Variants in CHD1L observed in about 807,000 individuals in gnomAD.
The protein encoded by CHD1L is ATP-dependent chromatin remodeler CHD1L.
CHD1L carries 118 observed loss-of-function variants against 115.9 expected under a neutral mutation model. That is an observed-to-expected ratio of 1.02 (90% confidence interval 0.88 to 1.19). The LOEUF is 1.19. CHD1L is among the 50% of genes most tolerant of loss of function. The pLI, the probability that CHD1L is intolerant of heterozygous loss-of-function variation, is 0.00. For missense variants in CHD1L, 1,179 were observed against 1,065.3 expected (o/e 1.11, Z -1.49); for synonymous variants, 411 against 387.1 (o/e 1.06, Z -0.72).
Position 147,286,350 on chromosome 1 carries a change from G to T in CHD1L, c.2071G>T (p.Glu691Ter). Residue 691 changes from glutamate (E) to a stop codon, truncating the protein, a stop_gained, in exon 18 of 23, where the codon GAG becomes TAG. Coordinates refer to ENST00000369258, the MANE Select transcript of CHD1L (RefSeq NM_004284.6). LOFTEE classifies it high-confidence loss of function. ...CCAGTCCTTCTGCCTGCCCTCTGAG[G>T]AGAGCGAGCCAGAGGACCTTGAGAA... ...NYQSFCLPSE[E>*]SEPEDLENGE... is the part of the protein sequence containing the mutation. 1 of 1,614,184 alleles carries T rather than the reference G, an allele frequency of 6.2e-7. No individual in the cohort carries two copies. The highest frequency in any genetic ancestry group is 1.3e-5 in the African/African-American group (1 of 75,056).
the CHD1L span, among the ~76,000 whole-genome samples, chr1:147,190,851 A>T: frequency 1.1e-4 from 16 of 151,640 alleles, no homozygotes; most frequent in Admixed American, 5.9e-4. Context: ...ACCCCACAAC[A>T]GTCCCTGGAG....
At chr1:147,253,984 T>C (rs781828664) in intron 2 of CHD1L, among the ~76,000 whole-genome samples, 39 of 152,350 alleles carry the variant, frequency 2.6e-4, no homozygotes, top group South Asian at 1.4e-3. Context: ...TTTTGTGCTG[T>C]TTAATCTTGA....
chr1:147,191,534 T>A, the CHD1L span, among the ~76,000 whole-genome samples: 1 of 143,888 alleles, frequency 6.9e-6, no homozygotes, highest in African/African-American at 2.5e-5. Flanking sequence ...TGGGGTTGTT[T>A]GTTTTTTTCT....
At chr1:147,191,087 T>G in the CHD1L span, among the ~76,000 whole-genome samples, 1 of 152,330 alleles carries the variant, frequency 6.6e-6, no homozygotes, top group African/African-American at 2.4e-5. Context: ...CTATCGTTGT[T>G]GGACATTTGG....
the CHD1L span, chr1:147,179,005 A>C: frequency 5.6e-6 from 9 of 1,613,958 alleles, no homozygotes; most frequent in Non-Finnish European, 1.7e-6. Context: ...GCACAAACTC[A>C]ACTTTGCTGT....
chr1:147,295,544 C>A lies in CHD1L; in HGVS notation c.*35C>A, dbSNP rs1190555624. ...CAGCCTCAGATCCTGTCTTTAGCAA[C>A]CAGCTAATATTTACCCAGAGGTACT... On this transcript the variant is annotated 3_prime_UTR_variant, in exon 23 of 23. Transcript: ENST00000369258. The A allele has an allele frequency of 7.5e-6, 11 of 1,461,574 alleles. No individual in the cohort carries two copies. The highest frequency in any genetic ancestry group is 1.1e-5 in the Non-Finnish European group (11 of 1,047,588). The allele number at this position is 1,461,574 out of a possible 1,614,324, so 90.5% of individuals were successfully genotyped here. A position where few individuals can be genotyped will look rare whatever the true frequency, so the allele number is the denominator to read the frequency against.
chr1:147,239,180 T>C (rs587682410), upstream of CHD1L, among the ~76,000 whole-genome samples: 17 of 152,252 alleles, frequency 1.1e-4, no homozygotes, highest in Admixed American at 9.2e-4. Context: ...GGAAAATTGT[T>C]TTAACTAGAC....
chr1:147,192,190 G>A, the CHD1L span, among the ~76,000 whole-genome samples: 1 of 152,084 alleles, frequency 6.6e-6, no homozygotes, highest in East Asian at 1.9e-4. Flanking sequence ...ATTTCATTGA[G>A]CAGTGGTTTG....
At chr1:147,218,427 C>CG in the CHD1L span, among the ~76,000 whole-genome samples, 90,029 of 151,650 alleles carry the variant, frequency 0.59, 28,800 homozygotes, top group East Asian at 0.87. Context: ...TTAGTAGAGA[C>CG]GGGTTTCACC....
At chr1:147,178,174 C>T in the CHD1L span, 4 of 1,611,280 alleles carry the variant, frequency 2.5e-6, no homozygotes, top group South Asian at 2.2e-5. Context: ...CGCGGCCCGC[C>T]TCGCGGCTGC....
At chr1:147,196,421 T>C in the CHD1L span, among the ~76,000 whole-genome samples, 1 of 152,196 alleles carries the variant, frequency 6.6e-6, no homozygotes, top group South Asian at 2.1e-4. Context: ...GTTTTACTTC[T>C]ATTAGCTAGA....
chr1:147,237,697 T>C (rs1228688489), upstream of CHD1L, among the ~76,000 whole-genome samples: 1 of 152,176 alleles, frequency 6.6e-6, no homozygotes, highest in East Asian at 1.9e-4. Flanking sequence ...AAAAGTTAAA[T>C]TTCCAGTTTG....
chr1:147,292,866 C>T (rs1374036695), intron 20 of CHD1L, among the ~76,000 whole-genome samples: 1 of 152,232 alleles, frequency 6.6e-6, no homozygotes, highest in East Asian at 1.9e-4. Flanking sequence ...CTAGGCCCCA[C>T]CTCCAACACT....
chr1:147,285,610 A>G, intron 17 of CHD1L, 123 bp downstream of exon 17: 1 of 1,105,374 alleles, frequency 9.0e-7, no homozygotes, highest in East Asian at 2.5e-5. Context: ...CCTATTGGTA[A>G]CAGAATACTT....
intron 16 of CHD1L, among the ~76,000 whole-genome samples, chr1:147,285,035 T>G (rs1483023219): frequency 6.6e-6 from 1 of 152,192 alleles, no homozygotes; most frequent in African/African-American, 2.4e-5. Flanking sequence ...AAAAGTTACT[T>G]TTCTGAAGTA....
At chr1:147,269,889 G>A (rs1480420257) in intron 10 of CHD1L, among the ~76,000 whole-genome samples, 3 of 152,048 alleles carry the variant, frequency 2.0e-5, no homozygotes, top group East Asian at 3.9e-4. Context: ...TCAACTTTAG[G>A]AATGTGCAAG....
the CHD1L span, chr1:147,186,225 A>G: frequency 1.5e-6 from 1 of 652,594 alleles, no homozygotes; most frequent in Admixed American, 6.3e-5. Context: ...TCATTGGCAG[A>G]TGGTAGATGA....
intron 19 of CHD1L, among the ~76,000 whole-genome samples, chr1:147,288,982 A>G (rs1684466519): frequency 6.6e-6 from 1 of 152,188 alleles, no homozygotes. Flanking sequence ...CTGATAGAGA[A>G]GGGCCCTCCA....
intron 17 of CHD1L, 57 bp downstream of exon 17, chr1:147,285,544 T>C (rs1450486975): frequency 6.6e-7 from 1 of 1,510,908 alleles, no homozygotes; most frequent in African/African-American, 1.4e-5. Flanking sequence ...TATTGTATAG[T>C]GAGACCACAG....
Sources: allele counts gnomAD v4.1 joint callset (sites outside exome capture counted in the v4.1 genomes callset), GRCh38; gene constraint gnomAD v4.1.1; transcripts MANE v1.5; gene names NCBI Gene and HGNC (gene_info 2026-07-23, HGNC 2026-07-21).